Variants in IMMP2L observed in about 807,000 individuals in gnomAD.
IMMP2L encodes mitochondrial inner membrane protease subunit 2.
In IMMP2L, 18 loss-of-function variants were observed where a neutral mutation model predicts 19.3. The observed-to-expected ratio is 0.93, with a 90% confidence interval of 0.64 to 1.38. The LOEUF is 1.38. Ranked by LOEUF, IMMP2L falls within the 40% of genes most tolerant of loss-of-function variation. The probability of loss-of-function intolerance (pLI) is 0.00; values close to 1 mark genes in which losing one functional copy is unlikely to be tolerated. For synonymous variants in IMMP2L, 76 were observed against 73.0 expected, an observed-to-expected ratio of 1.04 and a Z score of -0.21; for missense variants, 233 against 218.2, an observed-to-expected ratio of 1.07 and a Z score of -0.43.
At chr7:110,795,964 T>C (rs1397496453) in intron 5 of IMMP2L, among the ~76,000 whole-genome samples, 1 of 151,986 alleles carries the variant, frequency 6.6e-6, no homozygotes, top group African/African-American at 2.4e-5. Flanking sequence ...TCTCCACGTG[T>C]TGGGAGAAGG....
chr7:110,751,889 C>T (rs1331838571), intron 5 of IMMP2L, among the ~76,000 whole-genome samples: 1 of 151,748 alleles, frequency 6.6e-6, no homozygotes, highest in Non-Finnish European at 1.5e-5. Flanking sequence ...CACATGCATC[C>T]CAAAACCTTT....
At chr7:111,554,226 T>A (rs557790111) in intron 1 of IMMP2L, among the ~76,000 whole-genome samples, 1 of 152,284 alleles carries the variant, frequency 6.6e-6, no homozygotes, top group Admixed American at 6.5e-5. Flanking sequence ...GTCTAATATA[T>A]AATAAACCAG....
At position 110,896,491 on chromosome 7, in the gene IMMP2L, TTC is replaced by T. The variant is rs1169448860; in HGVS notation, c.306-9798_306-9797del. Among the ~76,000 whole-genome samples, 11 of 91,550 alleles carry T rather than the reference TTC, an allele frequency of 1.2e-4. 1 individual carries two copies. Among genetic ancestry groups the T allele is most frequent in the Non-Finnish European group, 1.5e-4 (8 of 51,724 alleles). The allele number at this position is 91,550 out of a possible 152,430, so 60.1% of individuals were successfully genotyped here. On this transcript the variant is annotated intron_variant, in intron 4 of 5. Transcript: ENST00000405709. ...TTTTCAAAAAAAATATTTATCCATTTTCAATTGGATTGTTTGTCTTTTTTAAA... is the reference window on the plus strand; with the variant it reads ...TTTTCAAAAAAAATATTTATCCATTTAATTGGATTGTTTGTCTTTTTTAAA...
intron 3 of IMMP2L, among the ~76,000 whole-genome samples, chr7:111,154,494 C>A (rs141829301): frequency 3.3e-5 from 5 of 152,038 alleles, no homozygotes; most frequent in African/African-American, 1.2e-4. Context: ...AAGAACATCC[C>A]TTTTTACCAC....
At position 111,213,832 on chromosome 7, in the gene IMMP2L, C is replaced by A. The variant is rs1232738791; in HGVS notation, c.240-250267G>T. Reference sequence around the variant, plus strand: ...GCGGAGAGCTATCCAACGTGGGTCTCCTCGGAGCTGTTCTGTTGCTCAATA... The same window carrying A: ...GCGGAGAGCTATCCAACGTGGGTCTACTCGGAGCTGTTCTGTTGCTCAATA... On this transcript the variant is annotated intron_variant, in intron 3 of 5. Transcript: ENST00000405709. This position sits in a 1 kb window ranked among gnomAD's most constrained non-coding sequence, Gnocchi z 4.8. Among the ~76,000 whole-genome samples, 1 of 152,122 alleles carries A rather than the reference C, an allele frequency of 6.6e-6. No individual in the cohort carries two copies. Among genetic ancestry groups the A allele is most frequent in the African/African-American group, 2.4e-5 (1 of 41,414 alleles).
intron 5 of IMMP2L, among the ~76,000 whole-genome samples, chr7:110,746,142 A>T (rs1797326853): frequency 6.6e-6 from 1 of 152,230 alleles, no homozygotes; most frequent in Non-Finnish European, 1.5e-5. Flanking sequence ...ACCAACAAAG[A>T]TCAAAACAGA....
At chr7:110,670,953 T>A (rs1791878887) in intron 5 of IMMP2L, among the ~76,000 whole-genome samples, 1 of 152,254 alleles carries the variant, frequency 6.6e-6, no homozygotes, top group Non-Finnish European at 1.5e-5. Context: ...CTTATTTGTG[T>A]CCCATGTGTA....
intron 3 of IMMP2L, among the ~76,000 whole-genome samples, chr7:111,133,956 G>A (rs1398019638): frequency 6.6e-6 from 1 of 151,910 alleles, no homozygotes; most frequent in African/African-American, 2.4e-5. Context: ...ATTCGTAGAT[G>A]GCCAAAATGT....
At chr7:110,990,419 AC>A (rs1210099857) in intron 3 of IMMP2L, among the ~76,000 whole-genome samples, 2 of 152,074 alleles carry the variant, frequency 1.3e-5, no homozygotes, top group East Asian at 1.9e-4. Context: ...AACATTTATC[AC>A]CCCTGCTGTA....
intron 2 of IMMP2L, among the ~76,000 whole-genome samples, chr7:111,512,312 T>G (rs997782805): frequency 1.3e-5 from 2 of 151,988 alleles, no homozygotes; most frequent in Admixed American, 1.3e-4. Context: ...ACAGGAAAGG[T>G]TCAGAAAAGG....
At chr7:111,551,085 TA>T (rs966252515) in intron 1 of IMMP2L, among the ~76,000 whole-genome samples, 1 of 151,942 alleles carries the variant, frequency 6.6e-6, no homozygotes, top group South Asian at 2.1e-4. Flanking sequence ...TTCCCTTCTT[TA>T]AAAAAAAGTC....
At chr7:111,455,453 A>C (rs1839599044) in intron 3 of IMMP2L, among the ~76,000 whole-genome samples, 1 of 152,114 alleles carries the variant, frequency 6.6e-6, no homozygotes, top group African/African-American at 2.4e-5. Context: ...TCCACCTTCC[A>C]TAAACAGGCT....
intron 5 of IMMP2L, among the ~76,000 whole-genome samples, chr7:110,725,984 C>T (rs1430061638): frequency 6.6e-6 from 1 of 152,152 alleles, no homozygotes; most frequent in Non-Finnish European, 1.5e-5. Context: ...AGTACTATTA[C>T]TCCCATTCTA....
At chr7:110,856,152 AG>A (rs1806737129) in intron 5 of IMMP2L, among the ~76,000 whole-genome samples, 1 of 152,020 alleles carries the variant, frequency 6.6e-6, no homozygotes, top group Admixed American at 6.6e-5. Context: ...TAAAACTTTC[AG>A]TAAAAAACAG....
chr7:111,481,149 G>A (rs780053309), intron 3 of IMMP2L, among the ~76,000 whole-genome samples: 9 of 152,070 alleles, frequency 5.9e-5, no homozygotes, highest in Non-Finnish European at 1.2e-4. Flanking sequence ...TATGCACACT[G>A]TATGTTCATA....
intron 5 of IMMP2L, among the ~76,000 whole-genome samples, chr7:110,694,529 A>G (rs895330545): frequency 6.6e-5 from 10 of 152,200 alleles, no homozygotes; most frequent in African/African-American, 2.4e-4. Flanking sequence ...GTTCTGACAC[A>G]AAGGAGTAAA....
intron 3 of IMMP2L, among the ~76,000 whole-genome samples, chr7:111,373,923 A>G (rs1286512236): frequency 6.6e-6 from 1 of 152,032 alleles, no homozygotes; most frequent in African/African-American, 2.4e-5. Context: ...TACTATTTTG[A>G]ATCAAATCGA....
At chr7:111,209,088 T>C (rs777535955) in intron 3 of IMMP2L, among the ~76,000 whole-genome samples, 1 of 152,154 alleles carries the variant, frequency 6.6e-6, no homozygotes, top group South Asian at 2.1e-4. Flanking sequence ...CTGAAAGTAA[T>C]GTTCAGAAAG....
chr7:110,848,492 G>C (rs1805889743), intron 5 of IMMP2L, among the ~76,000 whole-genome samples: 1 of 152,146 alleles, frequency 6.6e-6, no homozygotes, highest in Admixed American at 6.6e-5. Context: ...TTAGAATACA[G>C]TGTGGCAGTT....
Sources: gnomAD v4.1 joint callset for allele counts (sites outside exome capture counted in the v4.1 genomes callset) on GRCh38, gnomAD v4.1.1 for gene constraint, Gnocchi (gnomAD v3.1) non-coding constraint, MANE v1.5 for transcripts, NCBI Gene and HGNC (gene_info 2026-07-23, HGNC 2026-07-21) for gene names.